The following ARMH3 variants were observed in gnomAD, a reference collection of about 807,000 sequenced individuals.
ARMH3 encodes the protein armadillo-like helical domain-containing protein 3.
ARMH3 carries 60 observed loss-of-function variants against 99.1 expected under a neutral mutation model. The ratio of observed to expected loss-of-function variants is 0.61; its 90% CI spans 0.49 to 0.75. The LOEUF (loss-of-function observed/expected upper bound fraction) is 0.75, where lower values mean the gene tolerates loss of function less well. Ranked by LOEUF, ARMH3 falls within the 30% of genes least tolerant of loss-of-function variation. The pLI, the probability that ARMH3 is intolerant of heterozygous loss-of-function variation, is 0.00. For missense variants in ARMH3, 679 were observed against 843.1 expected (o/e 0.81, Z 2.41); for synonymous variants, 285 against 292.8 (o/e 0.97, Z 0.27).
At chr10:102,020,504 T>C (rs2066858345) in intron 8 of ARMH3, among the ~76,000 whole-genome samples, 3 of 151,904 alleles carry the variant, frequency 2.0e-5, no homozygotes, top group Middle Eastern at 6.8e-3. Flanking sequence ...GCTAACACGG[T>C]GAAACCCCGT....
intron 1 of ARMH3, among the ~76,000 whole-genome samples, chr10:102,053,465 GCTCAGGCAAT>G (rs2067758906): frequency 6.6e-6 from 1 of 151,936 alleles, no homozygotes; most frequent in South Asian, 2.1e-4. Context: ...AAACTCCTGG[GCTCAGGCAAT>G]CTACCTGCCT....
chr10:101,919,906 C>T (rs928362453), intron 23 of ARMH3, among the ~76,000 whole-genome samples: 7 of 152,002 alleles, frequency 4.6e-5, no homozygotes, highest in Non-Finnish European at 7.4e-5. Context: ...CTGGAGAGTC[C>T]GCCTGGCATT....
chr10:101,888,794 G>A (rs1488782782), intron 24 of ARMH3, among the ~76,000 whole-genome samples: 1 of 152,200 alleles, frequency 6.6e-6, no homozygotes, highest in Non-Finnish European at 1.5e-5. Context: ...CCCATGCCAC[G>A]CTAACGCCTC....
chr10:102,051,460 G>C (rs1369979368), intron 1 of ARMH3, among the ~76,000 whole-genome samples: 4 of 150,576 alleles, frequency 2.7e-5, no homozygotes. Context: ...GCAACAGAGG[G>C]AGACTCCATT....
intron 23 of ARMH3, among the ~76,000 whole-genome samples, chr10:101,890,222 T>A (rs1408368741): frequency 6.7e-6 from 1 of 150,190 alleles, no homozygotes; most frequent in Non-Finnish European, 1.5e-5. Context: ...CAAATCTCTT[T>A]TTTTCATATA....
intron 14 of ARMH3, among the ~76,000 whole-genome samples, chr10:102,005,475 C>A (rs754980081): frequency 1.3e-5 from 2 of 151,924 alleles, no homozygotes; most frequent in African/African-American, 2.4e-5. Flanking sequence ...AACAATGGCA[C>A]CTCCCTGTCA....
At chr10:101,956,547 A>AGC (rs759726090) in intron 22 of ARMH3, 50 bp downstream of exon 22, 7 of 1,595,528 alleles carry the variant, frequency 4.4e-6, no homozygotes, top group Non-Finnish European at 6.0e-6. Flanking sequence ...CTTATATGCC[A>AGC]AAAGCTAGAC....
intron 24 of ARMH3, among the ~76,000 whole-genome samples, chr10:101,879,770 T>C (rs890265684): frequency 1.3e-5 from 2 of 152,198 alleles, no homozygotes; most frequent in Non-Finnish European, 1.5e-5. Flanking sequence ...TTCTCTCCTA[T>C]CTAGGGCCTC....
At chr10:101,889,596 G>A (rs2135443419) in intron 23 of ARMH3, 106 bp from the exon 24 acceptor site, 1 of 979,956 alleles carries the variant, frequency 1.0e-6, no homozygotes, top group Non-Finnish European at 1.7e-6. Flanking sequence ...TAGAGCATGG[G>A]ACCGATTGTG....
intron 1 of ARMH3, among the ~76,000 whole-genome samples, chr10:102,045,946 T>C (rs922916038): frequency 5.3e-5 from 8 of 151,836 alleles, no homozygotes; most frequent in Admixed American, 6.6e-5. Flanking sequence ...AATACAAAAA[T>C]TAGACGGGCA....
At chr10:101,879,020 C>T (rs554999015) in intron 24 of ARMH3, among the ~76,000 whole-genome samples, 8 of 152,302 alleles carry the variant, frequency 5.3e-5, no homozygotes, top group South Asian at 4.1e-4. Context: ...AGTCCCCAGA[C>T]GCCTCGTCAG....
intron 20 of ARMH3, among the ~76,000 whole-genome samples, chr10:101,962,260 C>T (rs898226200): frequency 6.6e-6 from 1 of 152,168 alleles, no homozygotes; most frequent in Non-Finnish European, 1.5e-5. Context: ...GCCCATACTC[C>T]ACATCCCTGG....
At chr10:101,853,885 C>T (rs555985817) in intron 24 of ARMH3, among the ~76,000 whole-genome samples, 114 of 152,272 alleles carry the variant, frequency 7.5e-4, no homozygotes, top group Non-Finnish European at 9.3e-4. Flanking sequence ...GAGGTCGAGG[C>T]GGATGGATCG....
chr10:101,978,154 A>T (rs1846085908), intron 19 of ARMH3, among the ~76,000 whole-genome samples: 1 of 152,226 alleles, frequency 6.6e-6, no homozygotes, highest in Non-Finnish European at 1.5e-5. Context: ...CATAGATTTC[A>T]TGCTTACAAA....
At chr10:101,973,720 G>A (rs915376069) in intron 20 of ARMH3, among the ~76,000 whole-genome samples, 1 of 152,090 alleles carries the variant, frequency 6.6e-6, no homozygotes, top group Non-Finnish European at 1.5e-5. Flanking sequence ...AAAAAGGAAA[G>A]AAAATAGAAT....
Position 101,956,592 on chromosome 10 carries a change from C to T in ARMH3, c.1705+5G>A. On this transcript the variant is annotated splice_donor_5th_base_variant and intron_variant, in intron 22 of 25. Transcript: ENST00000370033. ...AGAGAGGAGTAAAAAGAAAAGGCAG[C>T]TTACCCATGGAGTAGAGGTTGTCAA... The T allele has an allele frequency of 6.2e-7, 1 of 1,611,620 alleles. No individual in the cohort carries two copies. The highest frequency in any genetic ancestry group is 1.3e-5 in the African/African-American group (1 of 74,990).
Position 102,023,467 on chromosome 10 carries a change from G to C in ARMH3, c.669+10C>G. The C allele has an allele frequency of 6.2e-7, 1 of 1,610,116 alleles. No individual in the cohort carries two copies. Among genetic ancestry groups the C allele is most frequent in the Non-Finnish European group, 8.5e-7 (1 of 1,176,828 alleles). On this transcript the variant is annotated intron_variant, in intron 8 of 25. Transcript: ENST00000370033. The stretch of plus-strand genomic sequence containing the variant: ...GCAGATAACAACTGTCCACTAAGGA[G>C]CCCAGTTACCTCATATTTTCTATAG...
chr10:102,036,178 CCCGG>C (rs2067259760), intron 2 of ARMH3, among the ~76,000 whole-genome samples: 1 of 133,264 alleles, frequency 7.5e-6, no homozygotes, highest in African/African-American at 2.7e-5. Flanking sequence ...TCAGCCCCCG[CCCGG>C]CCAGCCGCCC....
intron 22 of ARMH3, 125 bp from the exon 23 acceptor site, chr10:101,940,063 T>A: frequency 3.1e-6 from 2 of 651,938 alleles, no homozygotes; most frequent in Non-Finnish European, 5.1e-6. Context: ...CAATCTTCTG[T>A]TAAAAACATC....
Sources: allele counts gnomAD v4.1 joint callset (sites outside exome capture counted in the v4.1 genomes callset), GRCh38; gene constraint gnomAD v4.1.1; transcripts MANE v1.5; gene names NCBI Gene and HGNC (gene_info 2026-07-23, HGNC 2026-07-21).